CNTN5: variants seen among roughly 807,000 people sequenced by gnomAD.
The protein encoded by CNTN5 is contactin 5.
Under a neutral mutation model 129.1 loss-of-function variants are expected in CNTN5, and 77 were observed. The ratio of observed to expected loss-of-function variants is 0.60; its 90% CI spans 0.50 to 0.72. The LOEUF is 0.72. Among genes scored for constraint, CNTN5 ranks in the 30% least tolerant of loss-of-function variants. CNTN5 has a pLI of 0.00. For synonymous variants in CNTN5, 509 were observed against 465.6 expected, an observed-to-expected ratio of 1.09 and a Z score of -1.20; for missense variants, 1,478 against 1,328.8, an observed-to-expected ratio of 1.11 and a Z score of -1.75.
chr11:99,416,263 A>G (rs1254251106), intron 2 of CNTN5, among the ~76,000 whole-genome samples: 1 of 152,136 alleles, frequency 6.6e-6, no homozygotes, highest in Non-Finnish European at 1.5e-5. Flanking sequence ...AAACTTTTAC[A>G]TAAAAAAGGA....
chr11:99,867,966 G>C (rs1742345213), intron 6 of CNTN5, among the ~76,000 whole-genome samples: 1 of 152,144 alleles, frequency 6.6e-6, no homozygotes, highest in South Asian at 2.1e-4. Flanking sequence ...TGTAATCCCA[G>C]CTGTTTGGGA....
chr11:100,035,820 T>A (rs1353104053), intron 9 of CNTN5, among the ~76,000 whole-genome samples: 15 of 151,986 alleles, frequency 9.9e-5, no homozygotes, highest in Non-Finnish European at 1.8e-4. Context: ...ATGGGGTTGT[T>A]TTTTTCTTGT....
chr11:100,208,410 C>A (rs1450624060), intron 15 of CNTN5, among the ~76,000 whole-genome samples: 2 of 152,068 alleles, frequency 1.3e-5, no homozygotes, highest in African/African-American at 4.8e-5. Context: ...AGGAAGTGAG[C>A]CACATGTTTC....
At chr11:100,235,582 G>C (rs956980696) in intron 16 of CNTN5, among the ~76,000 whole-genome samples, 1 of 152,086 alleles carries the variant, frequency 6.6e-6, no homozygotes, top group Admixed American at 6.6e-5. Context: ...ATATTACTGG[G>C]ACCCATTGCC....
At chr11:99,361,967 G>C (rs1488621480) in intron 2 of CNTN5, among the ~76,000 whole-genome samples, 1 of 151,994 alleles carries the variant, frequency 6.6e-6, no homozygotes, top group Non-Finnish European at 1.5e-5. Context: ...ACAAGCATCT[G>C]TTTGTGCTTC....
intron 6 of CNTN5, among the ~76,000 whole-genome samples, chr11:99,853,846 A>AG (rs2135735223): frequency 6.6e-6 from 1 of 152,256 alleles, no homozygotes. Context: ...GAAAAAAAAA[A>AG]TGAAGCTGAG....
intron 3 of CNTN5, among the ~76,000 whole-genome samples, chr11:99,747,756 G>A (rs561253352): frequency 2.6e-5 from 4 of 152,266 alleles, no homozygotes; most frequent in Admixed American, 2.6e-4. Context: ...ACAGGCATGA[G>A]CCACGGCACC....
At chr11:99,422,809 G>A (rs1942959959) in intron 2 of CNTN5, among the ~76,000 whole-genome samples, 1 of 152,002 alleles carries the variant, frequency 6.6e-6, no homozygotes, top group Non-Finnish European at 1.5e-5. Flanking sequence ...AAGGAAGCCA[G>A]TGTGGCTAAG....
chr11:100,070,165 C>CAAAAAAAA (rs3061793), intron 10 of CNTN5, among the ~76,000 whole-genome samples: 2 of 109,248 alleles, frequency 1.8e-5, no homozygotes, highest in Non-Finnish European at 2.0e-5. Flanking sequence ...ACTTAAAGTC[C>CAAAAAAAA]AAAAAAAAAA....
intron 2 of CNTN5, among the ~76,000 whole-genome samples, chr11:99,395,861 G>C (rs1169699563): frequency 6.6e-6 from 1 of 151,836 alleles, no homozygotes; most frequent in Non-Finnish European, 1.5e-5. Flanking sequence ...TTAGATGTTT[G>C]GCCTTATTTC....
At chr11:100,282,330 G>A (rs1352696957) in intron 18 of CNTN5, among the ~76,000 whole-genome samples, 1 of 152,208 alleles carries the variant, frequency 6.6e-6, no homozygotes, top group African/African-American at 2.4e-5. Flanking sequence ...TGTAGTTCTT[G>A]GAGACTAGTA....
chr11:100,272,888 G>A (rs1950432545), intron 18 of CNTN5, among the ~76,000 whole-genome samples: 3 of 152,130 alleles, frequency 2.0e-5, no homozygotes, highest in Non-Finnish European at 4.4e-5. Context: ...GCATACAGAA[G>A]TGGTAGGAGC....
intron 3 of CNTN5, among the ~76,000 whole-genome samples, chr11:99,663,461 C>G (rs606249): frequency 6.6e-6 from 1 of 151,980 alleles, no homozygotes; most frequent in Non-Finnish European, 1.5e-5. Context: ...GAGCGAGACT[C>G]CGTCTCAAAA....
chr11:100,041,000 G>T (rs1942347544), intron 9 of CNTN5, among the ~76,000 whole-genome samples: 1 of 152,110 alleles, frequency 6.6e-6, no homozygotes, highest in African/African-American at 2.4e-5. Context: ...CTACTCTCTG[G>T]CACTCCCCAG....
rs373356747 is a variant in CNTN5, at chr11:99,197,895, A to G, written c.-209-127451A>G. 2.2e-4 allele frequency among the ~76,000 whole-genome samples: 34 copies of G among 152,272 alleles called. No homozygotes were observed. In the South Asian group the frequency reaches 6.9e-3, roughly 31 times the overall value. On this transcript the variant is annotated intron_variant, in intron 1 of 24. Transcript: ENST00000524871. ...TATAAAACTGTGACTGTTTTCAGAA[A>G]TAAATGACATAATTTGGTGGTAAAC... is the stretch of plus-strand genomic sequence containing the variant.
At chr11:100,062,484 T>C (rs1008176685) in intron 10 of CNTN5, among the ~76,000 whole-genome samples, 3 of 152,230 alleles carry the variant, frequency 2.0e-5, no homozygotes, top group Non-Finnish European at 4.4e-5. Context: ...GTTTGTTAAG[T>C]GCCTCGTACT....
At position 99,228,095 on chromosome 11, in the gene CNTN5, G is replaced by A. The variant is rs577979491; in HGVS notation, c.-209-97251G>A. Among the ~76,000 whole-genome samples the A allele has an allele frequency of 1.5e-4, 23 of 152,002 alleles. 1 individual carries two copies. The South Asian group carries it at 4.6e-3, about 30-fold the overall frequency. On this transcript the variant is annotated intron_variant, in intron 1 of 24. Coordinates refer to ENST00000524871, the MANE Select transcript of CNTN5 (RefSeq NM_014361.4). ...TTTTTGAAACTGTAAAGAGAATTAC[G>A]TTATATATTCTGACACATAACCATA...
chr11:99,777,313 T>C (rs1945157524), intron 3 of CNTN5, among the ~76,000 whole-genome samples: 3 of 151,994 alleles, frequency 2.0e-5, no homozygotes, highest in Admixed American at 2.0e-4. Flanking sequence ...TTACAAATGT[T>C]GTGCATCTCA....
intron 1 of CNTN5, among the ~76,000 whole-genome samples, chr11:99,045,840 G>A (rs1485531728): frequency 1.3e-5 from 2 of 152,174 alleles, no homozygotes; most frequent in Non-Finnish European, 2.9e-5. Flanking sequence ...TAACATGGAT[G>A]TAAAACTACT....
Sources: allele counts gnomAD v4.1 joint callset (sites outside exome capture counted in the v4.1 genomes callset), GRCh38; gene constraint gnomAD v4.1.1; transcripts MANE v1.5; gene names NCBI Gene and HGNC (gene_info 2026-07-23, HGNC 2026-07-21).